The following LIMCH1 variants were observed in gnomAD, a reference collection of about 807,000 sequenced individuals.
LIMCH1 encodes LIM and calponin homology domains 1.
LIMCH1 carries 113 observed loss-of-function variants against 176.5 expected under a neutral mutation model. That is an observed-to-expected ratio of 0.64 (90% CI 0.55 to 0.75). The LOEUF is 0.75. LIMCH1 is among the 30% of genes least tolerant of loss of function. LIMCH1 has a pLI of 0.00. For synonymous variants in LIMCH1, 619 were observed against 645.9 expected (o/e 0.96, Z 0.63); for missense variants, 1,674 against 1,814.9 (o/e 0.92, Z 1.41).
At chr4:41,419,100 A>G (rs1296754508) in intron 1 of LIMCH1, among the ~76,000 whole-genome samples, 2 of 152,096 alleles carry the variant, frequency 1.3e-5, no homozygotes, top group Non-Finnish European at 2.9e-5. Flanking sequence ...TCAGAATTTT[A>G]CATTTCTAAG....
At chr4:41,522,498 C>CA (rs1350678977) in intron 2 of LIMCH1, among the ~76,000 whole-genome samples, 1 of 151,892 alleles carries the variant, frequency 6.6e-6, no homozygotes. Context: ...AACAACTGTA[C>CA]AAAAATATTA....
chr4:41,508,679 A>G (rs747513548), intron 2 of LIMCH1, among the ~76,000 whole-genome samples: 5 of 152,312 alleles, frequency 3.3e-5, no homozygotes, highest in African/African-American at 4.8e-5. Context: ...CAAAAGAGCT[A>G]TCAGAGAGAT....
At chr4:41,567,462 T>C (rs1406032038) in intron 1 of LIMCH1, among the ~76,000 whole-genome samples, 1 of 152,164 alleles carries the variant, frequency 6.6e-6, no homozygotes, top group African/African-American at 2.4e-5. Flanking sequence ...AAAATAATCA[T>C]GACAAGGTCA....
chr4:41,626,907 C>A lies in LIMCH1; in HGVS notation c.925C>A (p.Gln309Lys). Residue 309 changes from glutamine (Q) to lysine (K), a missense_variant, in exon 8 of 32, where the codon CAA (glutamine) becomes AAA (lysine). Gln to Lys is a moderately conservative substitution (Grantham distance 53). Coordinates refer to ENST00000503057, the MANE Select transcript of LIMCH1 (RefSeq NM_001330672.2). Reference protein sequence around the residue: ...NQTKPMVPLNQLLYGPYPKKG... With the variant: ...NQTKPMVPLNKLLYGPYPKKG... ...AACCAAGCCAATGGTGCCATTAAATCAACTCCTCTATGGCCCTTATCCAAA... is the reference window on the plus strand; with the variant it reads ...AACCAAGCCAATGGTGCCATTAAATAAACTCCTCTATGGCCCTTATCCAAA... 1.3e-6 allele frequency: 2 copies of A among 1,536,068 alleles called. No homozygotes were observed. Among genetic ancestry groups the A allele is most frequent in the Non-Finnish European group, 1.7e-6 (2 of 1,146,894 alleles).
chr4:41,467,530 A>G (rs2066329553), intron 1 of LIMCH1, among the ~76,000 whole-genome samples: 1 of 152,192 alleles, frequency 6.6e-6, no homozygotes, highest in Admixed American at 6.5e-5. Context: ...TAAAACCATC[A>G]GATCTCGTGA....
At chr4:41,553,035 G>A (rs1013479006) in intron 1 of LIMCH1, among the ~76,000 whole-genome samples, 13 of 152,170 alleles carry the variant, frequency 8.5e-5, no homozygotes, top group Admixed American at 1.3e-4. Flanking sequence ...TGGGGTTAAC[G>A]TGACCCTAGG....
rs2093194512 is a variant in LIMCH1 at position 41,629,638 on chromosome 4, C to G, written c.1175C>G (p.Ala392Gly). Residue 392 changes from alanine to glycine, a missense_variant, in exon 9 of 32, where the codon GCC becomes GGC. Coordinates refer to ENST00000503057, the MANE Select transcript of LIMCH1 (RefSeq NM_001330672.2). ...CAGCAGAGAATTCAGGGCAGCCTTG[C>G]CCCTCACCGCGAGCCCCCGAGCTTC... The part of the protein sequence containing the change: ...LAQQRIQGSL[A>G]PHREPPSFIT... 6.5e-7 allele frequency: 1 copy of G among 1,535,918 alleles called. No homozygotes were observed.
intron 1 of LIMCH1, among the ~76,000 whole-genome samples, chr4:41,426,061 G>A (rs867679918): frequency 1.6e-5 from 2 of 126,362 alleles, no homozygotes; most frequent in Middle Eastern, 5.3e-3. Context: ...TCGCTCTGTC[G>A]CCCAGGCTGG....
chr4:41,365,649 G>C (rs2052852687), intron 1 of LIMCH1, among the ~76,000 whole-genome samples: 1 of 152,196 alleles, frequency 6.6e-6, no homozygotes, highest in South Asian at 2.1e-4. Flanking sequence ...AACTTTTCTG[G>C]CTAGATCAAG....
At chr4:41,620,773 A>G (rs138702507) in intron 7 of LIMCH1, 83 bp downstream of exon 7, 8 of 1,411,594 alleles carry the variant, frequency 5.7e-6, no homozygotes, top group Non-Finnish European at 7.5e-6. Context: ...TGGAGTTTTC[A>G]TCTGATTTTT....
At chr4:41,526,293 A>C (rs1341845415) in intron 3 of LIMCH1, among the ~76,000 whole-genome samples, 2 of 137,380 alleles carry the variant, frequency 1.5e-5, no homozygotes, top group Non-Finnish European at 3.1e-5. Context: ...TTCAATGAAC[A>C]CCTCCCCTGC....
At chr4:41,410,547 G>A (rs977267748) in intron 1 of LIMCH1, among the ~76,000 whole-genome samples, 2 of 151,974 alleles carry the variant, frequency 1.3e-5, no homozygotes, top group Non-Finnish European at 2.9e-5. Context: ...TTTACATCTC[G>A]ACCAGGGTGT....
In LIMCH1 at chr4:41,644,609, G is replaced by A; in HGVS notation, c.2236G>A (p.Asp746Asn). 6.2e-7 allele frequency: 1 copy of A among 1,612,018 alleles called. No homozygotes were observed. Among genetic ancestry groups the A allele is most frequent in the South Asian group, 1.1e-5 (1 of 90,564 alleles). The change falls in exon 15 of 32, where the codon GAC becomes AAC. Residue 746 changes from aspartate to asparagine, a missense_variant. Physicochemically the swap from Asp to Asn is conservative, Grantham distance 23. This residue lies in a region of LIMCH1 where 1,015 missense variants were observed against 1,102.5 expected (regional missense o/e 0.92). Transcript: ENST00000503057. ...QLINNQLREE[D>N]DKWQDDLARW... Reference sequence around the variant, plus strand: ...GATAAATAACCAGCTGAGGGAAGAGGACGACAAATGGCAAGATGTGAGTTG... The same window carrying A: ...GATAAATAACCAGCTGAGGGAAGAGAACGACAAATGGCAAGATGTGAGTTG...
chr4:41,362,267 G>A (rs551233159), intron 1 of LIMCH1, among the ~76,000 whole-genome samples: 11 of 152,308 alleles, frequency 7.2e-5, no homozygotes, highest in Admixed American at 5.2e-4. Context: ...GAACATCAGG[G>A]CTGTCTTGCT....
At chr4:41,481,470 C>T (rs920269124) in intron 1 of LIMCH1, among the ~76,000 whole-genome samples, 1 of 152,076 alleles carries the variant, frequency 6.6e-6, no homozygotes. Context: ...AGGGGTTGTG[C>T]GTATAACCTG....
At chr4:41,359,786 T>A (rs1326445327), upstream of LIMCH1, 1 of 152,042 alleles carries the variant, frequency 6.6e-6, no homozygotes. Flanking sequence ...CTCCCGTTAA[T>A]GGAACCGCGA....
intron 6 of LIMCH1, 102 bp downstream of exon 6, chr4:41,619,542 T>C: frequency 7.0e-7 from 1 of 1,433,430 alleles, no homozygotes; most frequent in Non-Finnish European, 9.5e-7. Flanking sequence ...ATTCAGAACT[T>C]TGATGGAAGA....
At chr4:41,403,099 C>G (rs1482304368) in intron 1 of LIMCH1, among the ~76,000 whole-genome samples, 2 of 151,456 alleles carry the variant, frequency 1.3e-5, no homozygotes, top group Non-Finnish European at 2.9e-5. Context: ...AGATATTTTT[C>G]TATTCAAAAA....
intron 1 of LIMCH1, among the ~76,000 whole-genome samples, chr4:41,428,699 A>G (rs1291556488): frequency 1.3e-5 from 2 of 152,204 alleles, no homozygotes; most frequent in Non-Finnish European, 2.9e-5. Flanking sequence ...ACTGGTTTCC[A>G]TTTTTAGTGG....
Sources: allele counts gnomAD v4.1 joint callset (sites outside exome capture counted in the v4.1 genomes callset), GRCh38; gene constraint gnomAD v4.1.1; regional missense constraint gnomAD v4.1.1; transcripts MANE v1.5; gene names NCBI Gene and HGNC (gene_info 2026-07-23, HGNC 2026-07-21).